BRD4: variants seen among roughly 807,000 people sequenced by gnomAD.
BRD4 encodes bromodomain-containing protein 4.
BRD4 carries 16 observed loss-of-function variants against 142.1 expected under a neutral mutation model. That is an observed-to-expected ratio of 0.11 (90% CI 0.08 to 0.17). The LOEUF is 0.17. BRD4 is among the 10% of genes least tolerant of loss of function. The pLI, the probability that BRD4 is intolerant of heterozygous loss-of-function variation, is 1.00. For synonymous variants in BRD4, 833 were observed against 707.5 expected, an observed-to-expected ratio of 1.18 and a Z score of -2.82; for missense variants, 1,424 against 1,810.9, an observed-to-expected ratio of 0.79 and a Z score of 3.88.
intron 11 of BRD4, chr19:15,253,784 C>G (rs1159661338): frequency 6.3e-7 from 1 of 1,596,160 alleles, no homozygotes; most frequent in Non-Finnish European, 8.5e-7. Context: ...GTGCAGAAAG[C>G]TGGGTGTGGT....
intron 1 of BRD4, among the ~76,000 whole-genome samples, chr19:15,281,340 C>A (rs2047702661): frequency 6.6e-6 from 1 of 152,172 alleles, no homozygotes; most frequent in Admixed American, 6.5e-5. Flanking sequence ...ACTGGCCTTG[C>A]TGCTAGGGGA....
intron 1 of BRD4, among the ~76,000 whole-genome samples, chr19:15,318,528 G>C (rs1464565346): frequency 1.3e-5 from 2 of 152,202 alleles, no homozygotes. Context: ...GCTGAAGAAT[G>C]GTAGTTTCCC....
At chr19:15,330,342 T>C (rs1031719668) in intron 1 of BRD4, among the ~76,000 whole-genome samples, 1 of 152,218 alleles carries the variant, frequency 6.6e-6, no homozygotes, top group African/African-American at 2.4e-5. Flanking sequence ...ATGGAAACCC[T>C]GAGTGGTTTA....
chr19:15,247,275 C>T (rs557515526), intron 11 of BRD4: 217 of 232,350 alleles, frequency 9.3e-4, no homozygotes, highest in African/African-American at 4.6e-3. Context: ...CCGCCTCCCG[C>T]CCCTCCTCAG....
intron 1 of BRD4, among the ~76,000 whole-genome samples, chr19:15,286,175 C>T (rs553090640): frequency 5.4e-4 from 83 of 152,334 alleles, no homozygotes; most frequent in African/African-American, 1.9e-3. Context: ...GGTCTTTCCT[C>T]AGGTATCCAG....
chr19:15,250,450 T>C (rs2047332145), intron 11 of BRD4, among the ~76,000 whole-genome samples: 1 of 152,236 alleles, frequency 6.6e-6, no homozygotes, highest in African/African-American at 2.4e-5. Context: ...CCATGGCCTC[T>C]GTCTGCACTT....
intron 1 of BRD4, among the ~76,000 whole-genome samples, chr19:15,308,682 T>TA (rs1245261069): frequency 6.6e-6 from 1 of 151,460 alleles, no homozygotes; most frequent in African/African-American, 2.4e-5. Flanking sequence ...CATAAATTTT[T>TA]AAAAAGGGGG....
At chr19:15,253,912 G>T (rs2047377379) in intron 11 of BRD4, 1 of 834,324 alleles carries the variant, frequency 1.2e-6, no homozygotes, top group Middle Eastern at 3.4e-4. Flanking sequence ...CATCCTCCAT[G>T]ACCAGACCCT....
At chr19:15,257,956 G>A (rs1019238349) in intron 7 of BRD4, among the ~76,000 whole-genome samples, 1 of 152,176 alleles carries the variant, frequency 6.6e-6, no homozygotes, top group African/African-American at 2.4e-5. Context: ...AGCCATGCAT[G>A]GACACTGGGG....
chr19:15,291,523 G>C (rs2047781691), intron 1 of BRD4, among the ~76,000 whole-genome samples: 1 of 152,154 alleles, frequency 6.6e-6, no homozygotes, highest in African/African-American at 2.4e-5. Context: ...CACAAGTGAG[G>C]CTCTGTGGTT....
Position 15,239,881 on chromosome 19 carries a change from C to T in BRD4, c.3282+29G>A, listed in dbSNP as rs752061417. ...GGCAGGCACCCCCGGCCCTAGCCCA[C>T]AGGACTATGGCCCAGCCCTGCCAGT... is the stretch of plus-strand genomic sequence containing the variant. On this transcript the variant is annotated intron_variant, in intron 15 of 19. Transcript: ENST00000679869. The surrounding 1 kb of genome is among the most constrained non-coding windows in gnomAD (Gnocchi z 7.4). The T allele has an allele frequency of 2.5e-6, 4 of 1,614,066 alleles. No individual in the cohort carries two copies. Among genetic ancestry groups the T allele is most frequent in the South Asian group, 2.2e-5 (2 of 91,084 alleles).
intron 1 of BRD4, among the ~76,000 whole-genome samples, chr19:15,318,908 T>G (rs2145725928): frequency 6.6e-6 from 1 of 152,332 alleles, no homozygotes; most frequent in African/African-American, 2.4e-5. Flanking sequence ...CTGGGAAGGT[T>G]CACATCACTG....
intron 1 of BRD4, among the ~76,000 whole-genome samples, chr19:15,290,999 A>G (rs569821853): frequency 1.3e-5 from 2 of 152,320 alleles, no homozygotes; most frequent in South Asian, 4.1e-4. Context: ...GATGGAAAGA[A>G]GTGGGTATGA....
rs2047257205 is a variant in BRD4, at chr19:15,243,418, G to A, written c.2651C>T (p.Pro884Leu). The A allele has an allele frequency of 1.2e-5, 19 of 1,572,442 alleles. No homozygotes were observed. Among genetic ancestry groups the A allele is most frequent in the Non-Finnish European group, 1.5e-5 (18 of 1,161,926 alleles). The change falls in exon 14 of 20, where the codon CCC becomes CTC. Residue 884 changes from proline to leucine, a missense_variant. Around this residue, in one of 16 missense-constraint regions of BRD4, gnomAD observed 598 missense variants for 647.8 expected, o/e 0.92. Coordinates refer to ENST00000679869, the MANE Select transcript of BRD4 (RefSeq NM_001379291.1). ...SNRAAALPPK[P>L]ARPPAVSPAL... Reference sequence around the variant, plus strand: ...TGGTGACACGGCTGGGGGCCGGGCGGGCTTGGGAGGCAGGGCAGCGGCTCG... The same window carrying A: ...TGGTGACACGGCTGGGGGCCGGGCGAGCTTGGGAGGCAGGGCAGCGGCTCG...
intron 1 of BRD4, among the ~76,000 whole-genome samples, chr19:15,331,619 A>G (rs1470637271): frequency 6.6e-6 from 1 of 152,088 alleles, no homozygotes; most frequent in Non-Finnish European, 1.5e-5. Flanking sequence ...CTCCCTCCGC[A>G]GGGGACCTGC....
intron 7 of BRD4, among the ~76,000 whole-genome samples, chr19:15,260,011 G>A (rs565294957): frequency 2.6e-5 from 4 of 152,310 alleles, no homozygotes; most frequent in East Asian, 3.9e-4. Flanking sequence ...AGGGAACACC[G>A]AGTGCAGGCA....
At chr19:15,249,697 C>T (rs2047324111) in intron 11 of BRD4, among the ~76,000 whole-genome samples, 1 of 152,136 alleles carries the variant, frequency 6.6e-6, no homozygotes, top group South Asian at 2.1e-4. Context: ...GGCAAGCCCA[C>T]CAGGCCCCTG....
In BRD4 at chr19:15,263,536, C is replaced by A. The variant is rs375995069; in HGVS notation, c.1225G>T (p.Ala409Ser). The change falls in exon 7 of 20, where the codon GCC becomes TCC. Residue 409 changes from alanine to serine, a missense_variant. Ala to Ser is a moderately conservative substitution (Grantham distance 99). This residue lies in a region of BRD4 where 26 missense variants were observed against 20.2 expected (regional missense o/e 1.29). Coordinates refer to ENST00000679869, the MANE Select transcript of BRD4 (RefSeq NM_001379291.1). ...TCCTGAGCATCACGGTACTCACGGG[C>A]CTCCAGTTTAGACTGGAAAACAAGA... ...DMSTIKSKLE[A>S]REYRDAQEFG... 3 of 1,614,232 alleles carry A rather than the reference C, an allele frequency of 1.9e-6. No individual in the cohort carries two copies. The highest frequency in any genetic ancestry group is 2.5e-6 in the Non-Finnish European group (3 of 1,180,020).
chr19:15,296,220 C>T (rs990648323), intron 1 of BRD4, among the ~76,000 whole-genome samples: 1 of 152,166 alleles, frequency 6.6e-6, no homozygotes, highest in Non-Finnish European at 1.5e-5. Context: ...TGCCACTGCA[C>T]TCCAGCCCGG....
Sources: allele counts gnomAD v4.1 joint callset (sites outside exome capture counted in the v4.1 genomes callset), GRCh38; gene constraint gnomAD v4.1.1; regional missense constraint gnomAD v4.1.1; non-coding constraint Gnocchi (gnomAD v3.1); transcripts MANE v1.5; gene names NCBI Gene and HGNC (gene_info 2026-07-23, HGNC 2026-07-21).